The following COMMD2 variants were observed in gnomAD, a reference collection of about 807,000 sequenced individuals.
The protein encoded by COMMD2 is COMM domain-containing protein 2.
In COMMD2, 25 loss-of-function variants were observed where a neutral mutation model predicts 22.5. The observed-to-expected ratio is 1.11, with a 90% CI of 0.81 to 1.55. The LOEUF (loss-of-function observed/expected upper bound fraction) is 1.55. Among genes scored for constraint, COMMD2 ranks in the 40% most tolerant of loss-of-function variants. COMMD2 has a pLI of 0.00. For synonymous variants in COMMD2, 98 were observed against 91.2 expected (o/e 1.07, Z -0.42); for missense variants, 223 against 232.9 (o/e 0.96, Z 0.28).
intron 3 of COMMD2, 25 bp downstream of exon 3, chr3:149,751,378 C>CA (rs1559856334): frequency 6.2e-7 from 1 of 1,613,942 alleles, no homozygotes; most frequent in South Asian, 1.1e-5. Flanking sequence ...CCAGCCAACA[C>CA]AAAACAGTCC....
chr3:149,745,794 A>G (rs546673413), intron 4 of COMMD2, among the ~76,000 whole-genome samples: 1 of 152,366 alleles, frequency 6.6e-6, no homozygotes, highest in African/African-American at 2.4e-5. Flanking sequence ...AGATACAGTA[A>G]GACAGGTACA....
intron 4 of COMMD2, among the ~76,000 whole-genome samples, chr3:149,745,143 G>A (rs770374648): frequency 2.6e-5 from 4 of 152,070 alleles, no homozygotes; most frequent in African/African-American, 7.2e-5. Context: ...CATCTCCACC[G>A]GGTTATTATT....
chr3:149,750,360 T>C (rs952244977), intron 4 of COMMD2: 3 of 462,232 alleles, frequency 6.5e-6, no homozygotes, highest in East Asian at 6.4e-5. Flanking sequence ...GAGCGGTACA[T>C]TGACCTGTGC....
chr3:149,739,198 C>T lies in COMMD2; in HGVS notation c.*2323G>A, dbSNP rs1002041158. Reference sequence around the variant, plus strand: ...TCAGAGTCAAGAAACCTGGGTCATACTGGAGAGAACAGTGACTACCTCTAA... The same window carrying T: ...TCAGAGTCAAGAAACCTGGGTCATATTGGAGAGAACAGTGACTACCTCTAA... On this transcript the variant is annotated 3_prime_UTR_variant, in exon 5 of 5. Transcript: ENST00000473414. 2 of 152,126 alleles carry T rather than the reference C, an allele frequency of 1.3e-5. No homozygotes were observed. Among genetic ancestry groups the T allele is most frequent in the Non-Finnish European group, 2.9e-5 (2 of 68,016 alleles). 9.4% of individuals were successfully genotyped at this position (152,126 alleles called of 1,614,324 possible).
In COMMD2 at chr3:149,739,690, T is replaced by C; in HGVS notation, c.*1831A>G. The C allele has an allele frequency of 6.6e-6, 1 of 152,210 alleles. No individual in the cohort carries two copies. The highest frequency in any genetic ancestry group is 1.9e-4 in the East Asian group (1 of 5,198). 9.4% of individuals were successfully genotyped at this position (152,210 alleles called of 1,614,324 possible). ...TTTTTTATCATATGTTTTGCAGGCA[T>C]GTTGCTTTTAAACCCAATGACATAT... On this transcript the variant is annotated 3_prime_UTR_variant, in exon 5 of 5. Coordinates refer to ENST00000473414, the MANE Select transcript of COMMD2 (RefSeq NM_016094.4).
rs1462407025 is a variant in COMMD2 at position 149,740,972 on chromosome 3, A to C, written c.*549T>G. On this transcript the variant is annotated 3_prime_UTR_variant, in exon 5 of 5. Coordinates refer to ENST00000473414, the MANE Select transcript of COMMD2 (RefSeq NM_016094.4). ...ATGAGACTCTTAAAATACAAAATAC[A>C]TCTTAATGTGTCAAGAAGACCACAG... 1 of 152,678 alleles carries C rather than the reference A, an allele frequency of 6.5e-6. No homozygotes were observed. Among genetic ancestry groups the C allele is most frequent in the Non-Finnish European group, 1.5e-5 (1 of 68,074 alleles). 9.5% of individuals were successfully genotyped at this position (152,678 alleles called of 1,614,324 possible). A position where few individuals can be genotyped will look rare whatever the true frequency, so the allele number is the denominator to read the frequency against.
rs533342164 is a variant in COMMD2, at chr3:149,747,873, G to A, written c.402+2805C>T. Among the ~76,000 whole-genome samples, 7 of 151,190 alleles carry A rather than the reference G, an allele frequency of 4.6e-5. No homozygotes were observed. In the East Asian group the frequency reaches 5.9e-4, roughly 13 times the overall value. ...TGAGGCAGGAGAATCACTTGAACCC[G>A]GGAGGCGGAGCTTGCAGTAAGCTGA... On this transcript the variant is annotated intron_variant, in intron 4 of 4. Transcript: ENST00000473414.
Position 149,751,460 on chromosome 3 carries a change from AG to A in COMMD2, c.170del (p.Thr57MetfsTer9). 6.2e-7 allele frequency: 1 copy of A among 1,609,062 alleles called. No homozygotes were observed. Among genetic ancestry groups the A allele is most frequent in the Non-Finnish European group, 8.5e-7 (1 of 1,178,200 alleles). ...AARKLNVSSDTVQHGVEGLTY... is the reference protein window; with the variant it reads ...AARKLNVSSDXVQHGVEGLTY... ...TTAATCCTTCCACACCATGCTGGAC[AG>A]TGTCACTACTCACATTGAGTTTTCC... On this transcript the variant is annotated frameshift_variant, in exon 3 of 5. Transcript: ENST00000473414. LOFTEE classifies it high-confidence loss of function.
At chr3:149,752,157 A>G in intron 2 of COMMD2, 53 bp downstream of exon 2, 1 of 1,461,816 alleles carries the variant, frequency 6.8e-7, no homozygotes, top group East Asian at 2.3e-5. Flanking sequence ...GAGACAGGGA[A>G]TGGCTCGCAA....
intron 4 of COMMD2, among the ~76,000 whole-genome samples, chr3:149,746,029 G>A (rs1370710134): frequency 6.6e-6 from 1 of 152,124 alleles, no homozygotes; most frequent in African/African-American, 2.4e-5. Flanking sequence ...TTTGTGATTT[G>A]AACTAATCTG....
intron 4 of COMMD2, among the ~76,000 whole-genome samples, chr3:149,746,615 CA>C (rs34066660): frequency 0.3 from 38,671 of 128,808 alleles, 6,499 homozygotes; most frequent in East Asian, 0.51. Flanking sequence ...ACTAAAAATA[CA>C]AAAAAAAAAA....
intron 4 of COMMD2, among the ~76,000 whole-genome samples, chr3:149,747,446 C>A (rs955633810): frequency 9.2e-5 from 14 of 152,110 alleles, no homozygotes; most frequent in African/African-American, 3.4e-4. Flanking sequence ...TCCCAGAAGG[C>A]AACTAAAGAA....
chr3:149,750,735 A>C lies in COMMD2; in HGVS notation c.345T>G (p.Ser115Arg), dbSNP rs1266970308. 1.9e-6 allele frequency: 3 copies of C among 1,606,036 alleles called. No homozygotes were observed. In the African/African-American group the frequency reaches 4.0e-5, roughly 21 times the overall value. Residue 115 changes from serine to arginine, a missense_variant, in exon 4 of 5, where the codon AGT becomes AGG. Ser to Arg is a moderately radical substitution (Grantham distance 110). Coordinates refer to ENST00000473414, the MANE Select transcript of COMMD2 (RefSeq NM_016094.4). Reference protein sequence around the residue: ...DNRKEIRTILSELAPSLPSYH... With the variant: ...DNRKEIRTILRELAPSLPSYH... ...AACTGGGAAGGCTTGGTGCCAATTC[A>C]CTCAGAATCGTTCTGATCTCTTTTC...
At chr3:149,752,004 C>T (rs1276799311) in intron 2 of COMMD2, 2 of 516,782 alleles carry the variant, frequency 3.9e-6, no homozygotes, top group African/African-American at 3.9e-5. Context: ...CATGAGAAAA[C>T]TGATTTAATA....
At chr3:149,745,376 T>C (rs1716341204) in intron 4 of COMMD2, among the ~76,000 whole-genome samples, 1 of 152,122 alleles carries the variant, frequency 6.6e-6, no homozygotes, top group African/African-American at 2.4e-5. Context: ...GATTCATGCC[T>C]ATTATATGCC....
rs551930946 is a variant in COMMD2, at chr3:149,740,418, T to G, written c.*1103A>C. 6.6e-6 allele frequency: 1 copy of G among 152,344 alleles called. No homozygotes were observed. Among genetic ancestry groups the G allele is most frequent in the African/African-American group, 2.4e-5 (1 of 41,584 alleles). The allele number at this position is 152,344 out of a possible 1,614,324, so 9.4% of individuals were successfully genotyped here. A position where few individuals can be genotyped will look rare whatever the true frequency, so the allele number is the denominator to read the frequency against. ...GTATCCAGGACAATCAAGAATTGAT[T>G]ATATTTCTCTGCATCCATTATTTGT... On this transcript the variant is annotated 3_prime_UTR_variant, in exon 5 of 5. Coordinates refer to ENST00000473414, the MANE Select transcript of COMMD2 (RefSeq NM_016094.4).
chr3:149,743,751 T>G lies in COMMD2; in HGVS notation c.403-2033A>C, dbSNP rs566215719. 4.6e-5 allele frequency among the ~76,000 whole-genome samples: 7 copies of G among 152,168 alleles called. No individual in the cohort carries two copies. In the East Asian group the frequency reaches 1.4e-3, roughly 29 times the overall value. On this transcript the variant is annotated intron_variant, in intron 4 of 4. Transcript: ENST00000473414. The stretch of plus-strand genomic sequence containing the variant: ...ATGACACATATGCAAATTATATATA[T>G]GATAATTGAAAACAGTACTTATTTA...
intron 4 of COMMD2, among the ~76,000 whole-genome samples, chr3:149,748,513 C>T (rs1324443000): frequency 6.6e-6 from 1 of 152,158 alleles, no homozygotes; most frequent in African/African-American, 2.4e-5. Flanking sequence ...GCACAGGTGC[C>T]ACGAAAAGAA....
Position 149,738,857 on chromosome 3 carries a change from CA to C in COMMD2, c.*2663del, listed in dbSNP as rs1716129795. 1 of 152,142 alleles carries C rather than the reference CA, an allele frequency of 6.6e-6. No homozygotes were observed. The highest frequency in any genetic ancestry group is 1.5e-5 in the Non-Finnish European group (1 of 67,992). The allele number at this position is 152,142 out of a possible 1,614,324, so 9.4% of individuals were successfully genotyped here. A position where few individuals can be genotyped will look rare whatever the true frequency, so the allele number is the denominator to read the frequency against. On this transcript the variant is annotated 3_prime_UTR_variant, in exon 5 of 5. Transcript: ENST00000473414. ...CTCAAGATACAGCATCTTCTTATAG[CA>C]TCTTCACCACCTTTCCCGTTTACTG...
Sources: allele counts gnomAD v4.1 joint callset (sites outside exome capture counted in the v4.1 genomes callset), GRCh38; gene constraint gnomAD v4.1.1; transcripts MANE v1.5; gene names NCBI Gene and HGNC (gene_info 2026-07-23, HGNC 2026-07-21).